The following RETREG1 variants were observed in gnomAD, a reference collection of about 807,000 sequenced individuals.
RETREG1 encodes reticulophagy regulator 1.
A neutral mutation model predicts 54.8 loss-of-function variants in RETREG1; 44 were observed. That is an observed-to-expected ratio of 0.80 (90% CI 0.63 to 1.03). The LOEUF is 1.03. RETREG1 is among the 50% of genes least tolerant of loss of function. The pLI is 0.00. For synonymous variants in RETREG1, 217 were observed against 238.5 expected, an observed-to-expected ratio of 0.91 and a Z score of 0.83; for missense variants, 554 against 605.1, an observed-to-expected ratio of 0.92 and a Z score of 0.89.
chr5:16,583,494 A>G (rs1415335837), intron 1 of RETREG1, among the ~76,000 whole-genome samples: 1 of 152,024 alleles, frequency 6.6e-6, no homozygotes, highest in East Asian at 1.9e-4. Context: ...CTCTGTCTCA[A>G]TATATATATT....
At chr5:16,616,077 G>C (rs965582061) in intron 1 of RETREG1, 2 of 152,726 alleles carry the variant, frequency 1.3e-5, no homozygotes, top group Non-Finnish European at 2.9e-5. Flanking sequence ...GCACACCCGG[G>C]GGTGGGTGCT....
chr5:16,501,475 C>T (rs1465454556), intron 3 of RETREG1, among the ~76,000 whole-genome samples: 3 of 152,214 alleles, frequency 2.0e-5, no homozygotes, highest in South Asian at 2.1e-4. Flanking sequence ...ATTTATCAAG[C>T]GACTACGCAT....
chr5:16,511,856 G>C (rs1048214860), intron 3 of RETREG1, among the ~76,000 whole-genome samples: 2 of 151,964 alleles, frequency 1.3e-5, no homozygotes, highest in African/African-American at 2.4e-5. Flanking sequence ...GAGTATGAAG[G>C]GGGGATGGTG....
chr5:16,597,011 G>A lies in RETREG1; in HGVS notation c.320+19641C>T, dbSNP rs1430039410. On this transcript the variant is annotated intron_variant, in intron 1 of 8. Coordinates refer to ENST00000306320, the MANE Select transcript of RETREG1 (RefSeq NM_001034850.3). This position sits in a 1 kb window ranked among gnomAD's most constrained non-coding sequence, Gnocchi z 4.3. Reference sequence around the variant, plus strand: ...ATGTACTAGAAGTCATCAGTCAATAGTTAGACTACTGACATTTGTCAGACA... The same window carrying A: ...ATGTACTAGAAGTCATCAGTCAATAATTAGACTACTGACATTTGTCAGACA... Among the ~76,000 whole-genome samples the A allele has an allele frequency of 6.6e-6, 1 of 152,230 alleles. No homozygotes were observed. The highest frequency in any genetic ancestry group is 2.4e-5 in the African/African-American group (1 of 41,454).
chr5:16,609,793 G>A (rs148257463), intron 1 of RETREG1, among the ~76,000 whole-genome samples: 62 of 152,302 alleles, frequency 4.1e-4, no homozygotes, highest in East Asian at 3.3e-3. Flanking sequence ...GGGCAGCTGC[G>A]GAGACAATCA....
At chr5:16,502,113 C>T (rs963532288) in intron 3 of RETREG1, among the ~76,000 whole-genome samples, 3 of 151,982 alleles carry the variant, frequency 2.0e-5, no homozygotes, top group African/African-American at 7.3e-5. Context: ...CCCGCCACCA[C>T]GCCTGGCTCA....
chr5:16,476,526 TAAAG>T (rs1738543044), intron 8 of RETREG1, among the ~76,000 whole-genome samples: 4 of 152,176 alleles, frequency 2.6e-5, no homozygotes, highest in African/African-American at 9.6e-5. Context: ...ATATACTGGA[TAAAG>T]AAAATGTGGT....
intron 3 of RETREG1, among the ~76,000 whole-genome samples, chr5:16,550,535 C>T (rs960223520): frequency 6.6e-6 from 1 of 152,186 alleles, no homozygotes; most frequent in African/African-American, 2.4e-5. Flanking sequence ...TGTGGCAGAT[C>T]AGACTCTACT....
At chr5:16,477,994 A>C in intron 7 of RETREG1, 40 bp downstream of exon 7, 1 of 1,534,578 alleles carries the variant, frequency 6.5e-7, no homozygotes, top group Non-Finnish European at 9.0e-7. Context: ...ATTTACAGTC[A>C]AACCACACAG....
intron 1 of RETREG1, among the ~76,000 whole-genome samples, chr5:16,596,703 C>T (rs1196985036): frequency 6.6e-6 from 1 of 152,152 alleles, no homozygotes; most frequent in African/African-American, 2.4e-5. Context: ...CTCAGCAAAG[C>T]CCACAACATC....
At chr5:16,494,258 T>TA (rs1739362772) in intron 3 of RETREG1, among the ~76,000 whole-genome samples, 1 of 152,320 alleles carries the variant, frequency 6.6e-6, no homozygotes, top group African/African-American at 2.4e-5. Context: ...ATAAATATAA[T>TA]ATTCAACAAC....
intron 3 of RETREG1, among the ~76,000 whole-genome samples, chr5:16,521,677 A>T (rs770359091): frequency 1.3e-5 from 2 of 152,230 alleles, no homozygotes; most frequent in Non-Finnish European, 2.9e-5. Flanking sequence ...TTATCTCCTG[A>T]GTTGAAAAGC....
chr5:16,537,613 G>A (rs1027180960), intron 3 of RETREG1, among the ~76,000 whole-genome samples: 3 of 152,194 alleles, frequency 2.0e-5, no homozygotes, highest in Admixed American at 6.5e-5. Context: ...CACAAGAATC[G>A]CTTGAAGCCA....
At chr5:16,492,225 TCTCTCA>T (rs1182493440) in intron 3 of RETREG1, among the ~76,000 whole-genome samples, 2 of 138,270 alleles carry the variant, frequency 1.4e-5, no homozygotes, top group African/African-American at 5.2e-5. Flanking sequence ...TCTCTCTCTC[TCTCTCA>T]CACACACACA....
At chr5:16,602,658 G>A (rs1177147064) in intron 1 of RETREG1, among the ~76,000 whole-genome samples, 2 of 152,148 alleles carry the variant, frequency 1.3e-5, no homozygotes, top group Non-Finnish European at 2.9e-5. Flanking sequence ...GTGAATCGGG[G>A]TGCCAGGAGA....
intron 3 of RETREG1, among the ~76,000 whole-genome samples, chr5:16,528,388 G>A (rs1232084690): frequency 6.6e-6 from 1 of 152,024 alleles, no homozygotes. Flanking sequence ...AGCCTATATT[G>A]ACAAGCTTTA....
chr5:16,509,058 GCATGA>G (rs1740084616), intron 3 of RETREG1: 2 of 965,930 alleles, frequency 2.1e-6, no homozygotes. Context: ...TTTTTTTCTG[GCATGA>G]CTAGGCACCC....
chr5:16,572,155 T>C, intron 1 of RETREG1, 53 bp from the exon 2 acceptor site: 1 of 1,361,032 alleles, frequency 7.3e-7, no homozygotes, highest in Non-Finnish European at 1.1e-6. Context: ...TTTAACCTTT[T>C]CAAAATTGGG....
chr5:16,497,747 A>G (rs1328480802), intron 3 of RETREG1, among the ~76,000 whole-genome samples: 1 of 152,198 alleles, frequency 6.6e-6, no homozygotes, highest in Non-Finnish European at 1.5e-5. Context: ...CTAATGTGTC[A>G]CAGCACTCTT....
Sources: allele counts gnomAD v4.1 joint callset (sites outside exome capture counted in the v4.1 genomes callset), GRCh38; gene constraint gnomAD v4.1.1; non-coding constraint Gnocchi (gnomAD v3.1); transcripts MANE v1.5; gene names NCBI Gene and HGNC (gene_info 2026-07-23, HGNC 2026-07-21).